The following PPP2R5E variants were observed in gnomAD, a reference collection of about 807,000 sequenced individuals.
The protein encoded by PPP2R5E is serine/threonine-protein phosphatase 2A 56 kDa regulatory subunit epsilon isoform.
PPP2R5E carries 4 observed loss-of-function variants against 65.3 expected under a neutral mutation model. The ratio of observed to expected loss-of-function variants is 0.06; its 90% confidence interval spans 0.03 to 0.14. The LOEUF (loss-of-function observed/expected upper bound fraction) is 0.14. Among genes scored for constraint, PPP2R5E ranks in the 10% least tolerant of loss-of-function variants. The pLI is 1.00. For synonymous variants in PPP2R5E, 183 were observed against 187.4 expected, an observed-to-expected ratio of 0.98 and a Z score of 0.19; for missense variants, 274 against 556.1, an observed-to-expected ratio of 0.49 and a Z score of 5.10.
chr14:63,398,412 A>G (rs1885533680), intron 5 of PPP2R5E, among the ~76,000 whole-genome samples: 1 of 152,246 alleles, frequency 6.6e-6, no homozygotes, highest in African/African-American at 2.4e-5. Context: ...GAATAGAATT[A>G]AGAGCCCAAA....
At chr14:63,429,963 C>T (rs1365728781) in intron 3 of PPP2R5E, among the ~76,000 whole-genome samples, 2 of 151,980 alleles carry the variant, frequency 1.3e-5, no homozygotes, top group East Asian at 1.9e-4. Flanking sequence ...GGATTACAGG[C>T]GTGAGCCCCT....
At chr14:63,520,859 CAAAAAA>C (rs748146106) in intron 2 of PPP2R5E, among the ~76,000 whole-genome samples, 12 of 58,530 alleles carry the variant, frequency 2.1e-4, no homozygotes, top group Middle Eastern at 0.011. Flanking sequence ...ACTAAAAATA[CAAAAAA>C]AAAAAAAAAA....
At chr14:63,412,641 T>C (rs1886455933) in intron 5 of PPP2R5E, among the ~76,000 whole-genome samples, 1 of 152,164 alleles carries the variant, frequency 6.6e-6, no homozygotes, top group Non-Finnish European at 1.5e-5. Flanking sequence ...AGAAGGCAAA[T>C]GGGCTAGTTC....
intron 2 of PPP2R5E, among the ~76,000 whole-genome samples, chr14:63,462,800 T>C (rs938459922): frequency 3.3e-5 from 5 of 152,118 alleles, no homozygotes; most frequent in African/African-American, 1.2e-4. Flanking sequence ...AATGCAAATT[T>C]TAAAAGTAAG....
chr14:63,450,939 G>A (rs933721929), intron 3 of PPP2R5E, among the ~76,000 whole-genome samples: 2 of 152,048 alleles, frequency 1.3e-5, no homozygotes, highest in Non-Finnish European at 2.9e-5. Context: ...AGAGGTGAGG[G>A]AGTGGGGAAT....
At chr14:63,509,414 C>T (rs1387825683) in intron 2 of PPP2R5E, among the ~76,000 whole-genome samples, 1 of 151,738 alleles carries the variant, frequency 6.6e-6, no homozygotes, top group Non-Finnish European at 1.5e-5. Flanking sequence ...GCTGGGATTA[C>T]AGATACGCAC....
At chr14:63,512,278 G>A (rs1027205906) in intron 2 of PPP2R5E, among the ~76,000 whole-genome samples, 3 of 152,082 alleles carry the variant, frequency 2.0e-5, no homozygotes, top group African/African-American at 7.2e-5. Context: ...TTTCCTTATA[G>A]AAAAGAAACC....
intron 2 of PPP2R5E, among the ~76,000 whole-genome samples, chr14:63,536,360 T>C (rs952405030): frequency 6.6e-6 from 1 of 152,122 alleles, no homozygotes; most frequent in African/African-American, 2.4e-5. Context: ...TAATGACTAC[T>C]ATCAAAAAAT....
chr14:63,495,139 G>A (rs1020008960), intron 2 of PPP2R5E, among the ~76,000 whole-genome samples: 8 of 151,570 alleles, frequency 5.3e-5, no homozygotes, highest in African/African-American at 1.9e-4. Flanking sequence ...GGAGGAGGAG[G>A]TTGCAGTGAG....
chr14:63,521,965 C>G (rs1892927339), intron 2 of PPP2R5E, among the ~76,000 whole-genome samples: 1 of 120,086 alleles, frequency 8.3e-6, no homozygotes, highest in Non-Finnish European at 1.8e-5. Flanking sequence ...CCCCCTCCCC[C>G]TCTCCCCACG....
intron 12 of PPP2R5E, among the ~76,000 whole-genome samples, chr14:63,383,888 T>A (rs1469464244): frequency 1.3e-5 from 2 of 152,036 alleles, no homozygotes; most frequent in Admixed American, 6.6e-5. Flanking sequence ...TCAGACCACT[T>A]CCCCACTTAA....
intron 5 of PPP2R5E, among the ~76,000 whole-genome samples, chr14:63,412,700 G>A (rs934999603): frequency 6.6e-6 from 1 of 152,182 alleles, no homozygotes; most frequent in African/African-American, 2.4e-5. Flanking sequence ...AGAAGAATCT[G>A]GATTTCTATT....
chr14:63,427,084 CG>C (rs1367996321), intron 3 of PPP2R5E, among the ~76,000 whole-genome samples: 1 of 152,150 alleles, frequency 6.6e-6, no homozygotes, highest in East Asian at 1.9e-4. Flanking sequence ...TTATAGTTTA[CG>C]GTTAAATGGA....
At position 63,394,569 on chromosome 14, in the gene PPP2R5E, GC is replaced by G. The variant is rs1232978478; in HGVS notation, c.741-642del. ...CCTTCTCCAAATAATGGCCCGCCTTGCTTGCTTCCGCCTTAAATATGACCTT... is the reference window on the plus strand; with the variant it reads ...CCTTCTCCAAATAATGGCCCGCCTTGTTGCTTCCGCCTTAAATATGACCTT... On this transcript the variant is annotated intron_variant, in intron 7 of 13. Coordinates refer to ENST00000337537, the MANE Select transcript of PPP2R5E (RefSeq NM_006246.5). 2.0e-5 allele frequency among the ~76,000 whole-genome samples: 3 copies of G among 152,172 alleles called. No individual in the cohort carries two copies. The East Asian group carries it at 5.8e-4, about 29-fold the overall frequency.
At chr14:63,486,565 A>G (rs969495591) in intron 2 of PPP2R5E, among the ~76,000 whole-genome samples, 1 of 151,940 alleles carries the variant, frequency 6.6e-6, no homozygotes, top group African/African-American at 2.4e-5. Context: ...GTGTTTACCA[A>G]TACCATCATT....
At chr14:63,436,660 C>A (rs1887966339) in intron 3 of PPP2R5E, among the ~76,000 whole-genome samples, 1 of 152,182 alleles carries the variant, frequency 6.6e-6, no homozygotes, top group Non-Finnish European at 1.5e-5. Context: ...GTGTGATATG[C>A]CACTCCAGGG....
intron 11 of PPP2R5E, among the ~76,000 whole-genome samples, chr14:63,386,396 A>T (rs1451738647): frequency 6.6e-6 from 1 of 152,210 alleles, no homozygotes; most frequent in East Asian, 1.9e-4. Flanking sequence ...CCATTGGCTC[A>T]AGGTCACATG....
At chr14:63,532,641 T>G (rs1893483743) in intron 2 of PPP2R5E, among the ~76,000 whole-genome samples, 1 of 152,224 alleles carries the variant, frequency 6.6e-6, no homozygotes, top group African/African-American at 2.4e-5. Context: ...AATGTGGCAC[T>G]GTCACATCTA....
At chr14:63,495,586 AT>A (rs1324552586) in intron 2 of PPP2R5E, among the ~76,000 whole-genome samples, 1 of 152,096 alleles carries the variant, frequency 6.6e-6, no homozygotes, top group African/African-American at 2.4e-5. Context: ...ATTTAAAAAA[AT>A]AAAGTAAAAT....
Sources: allele counts gnomAD v4.1 joint callset (sites outside exome capture counted in the v4.1 genomes callset), GRCh38; gene constraint gnomAD v4.1.1; transcripts MANE v1.5; gene names NCBI Gene and HGNC (gene_info 2026-07-23, HGNC 2026-07-21).